CFAP54: variants seen among roughly 807,000 people sequenced by gnomAD.
The protein encoded by CFAP54 is cilia- and flagella-associated protein 54.
In CFAP54, 290 loss-of-function variants were observed where a neutral mutation model predicts 370.4. The ratio of observed to expected loss-of-function variants is 0.78; its 90% confidence interval spans 0.71 to 0.86. CFAP54 has a LOEUF of 0.86. CFAP54 is among the 40% of genes least tolerant of loss of function. CFAP54 has a pLI of 0.00. For synonymous variants in CFAP54, 1,206 were observed against 1,236.5 expected (o/e 0.98, Z 0.52); for missense variants, 3,399 against 3,528.7 (o/e 0.96, Z 0.93).
chr12:96,623,919 A>G, intron 28 of CFAP54, 38 bp downstream of exon 28: 1 of 1,308,298 alleles, frequency 7.6e-7, no homozygotes, highest in Non-Finnish European at 1.1e-6. Flanking sequence ...ATTTAGCATT[A>G]AGTTTTTTAA....
intron 64 of CFAP54, among the ~76,000 whole-genome samples, chr12:96,812,295 C>A (rs2136727979): frequency 6.6e-6 from 1 of 152,240 alleles, no homozygotes; most frequent in South Asian, 2.1e-4. Flanking sequence ...GCCCAAACTC[C>A]ACTACCTCCC....
chr12:96,638,260 T>C (rs890096544), intron 32 of CFAP54, among the ~76,000 whole-genome samples: 2 of 148,514 alleles, frequency 1.3e-5, no homozygotes, highest in African/African-American at 4.9e-5. Context: ...TATATATTTA[T>C]TTTTTTTTGG....
chr12:96,692,694 A>G (rs918889113), intron 44 of CFAP54, among the ~76,000 whole-genome samples: 1 of 152,202 alleles, frequency 6.6e-6, no homozygotes, highest in African/African-American at 2.4e-5. Flanking sequence ...TTGACTGACA[A>G]TTAGAGGTTC....
intron 26 of CFAP54, among the ~76,000 whole-genome samples, chr12:96,601,173 T>C (rs574881435): frequency 1.3e-5 from 2 of 152,230 alleles, no homozygotes; most frequent in African/African-American, 2.4e-5. Context: ...TGAAGGGCTG[T>C]TGAATTTTGT....
At chr12:96,671,027 T>C (rs1465024490) in intron 39 of CFAP54, among the ~76,000 whole-genome samples, 1 of 152,184 alleles carries the variant, frequency 6.6e-6, no homozygotes, top group African/African-American at 2.4e-5. Context: ...GGCTGGAGTG[T>C]AGTAGTGCTA....
intron 47 of CFAP54, among the ~76,000 whole-genome samples, chr12:96,705,224 G>A (rs1957535303): frequency 6.6e-6 from 1 of 152,018 alleles, no homozygotes; most frequent in African/African-American, 2.4e-5. Context: ...TAAGTGCTAG[G>A]AAACAGCATT....
intron 22 of CFAP54, among the ~76,000 whole-genome samples, chr12:96,583,077 T>C (rs1432131802): frequency 6.6e-6 from 1 of 152,158 alleles, no homozygotes; most frequent in East Asian, 1.9e-4. Flanking sequence ...GTGATTAACT[T>C]GGCTTTTGGG....
chr12:96,584,660 A>G (rs1956059521), intron 22 of CFAP54, among the ~76,000 whole-genome samples: 2 of 150,454 alleles, frequency 1.3e-5, no homozygotes, highest in South Asian at 4.2e-4. Flanking sequence ...TATCAATCTC[A>G]TTACAATGAC....
Position 96,629,457 on chromosome 12 carries a change from C to T in CFAP54, c.4104-636C>T, listed in dbSNP as rs1456496918. ...TAGCTGGACTACAGTAGGCGCCTGCCACCACGCCCAACTAATTTTTTTTTT... is the reference window on the plus strand; with the variant it reads ...TAGCTGGACTACAGTAGGCGCCTGCTACCACGCCCAACTAATTTTTTTTTT... On this transcript the variant is annotated intron_variant, in intron 30 of 67. Transcript: ENST00000524981. 2.0e-5 allele frequency among the ~76,000 whole-genome samples: 3 copies of T among 148,848 alleles called. No homozygotes were observed. The Admixed American group carries it at 2.0e-4, about 10-fold the overall frequency.
chr12:96,547,592 A>G (rs562629463), intron 14 of CFAP54, among the ~76,000 whole-genome samples: 1 of 152,360 alleles, frequency 6.6e-6, no homozygotes, highest in African/African-American at 2.4e-5. Context: ...ATTACCTTAC[A>G]GAAGAAAATA....
rs746191854 is a variant in CFAP54 at position 96,540,911 on chromosome 12, G to A, written c.2001G>A (p.Val667=). Residue 667 remains valine, a synonymous_variant, in exon 14 of 68, where the codon GTG becomes GTA. Coordinates refer to ENST00000524981, the MANE Select transcript of CFAP54 (RefSeq NM_001306084.2). ...YKMEDIDIVV[V]AEVTLRLSEI... is the part of the protein sequence containing the mutation. ...TGGAAGACATTGACATTGTGGTAGT[G>A]GCAGAAGTCACATTACGGTTAAGTG... 69 of 1,519,972 alleles carry A rather than the reference G, an allele frequency of 4.5e-5. No homozygotes were observed. Among genetic ancestry groups the A allele is most frequent in the Non-Finnish European group, 5.6e-5 (64 of 1,139,892 alleles). The allele number at this position is 1,519,972 out of a possible 1,614,324, so 94.2% of individuals were successfully genotyped here. A position where few individuals can be genotyped will look rare whatever the true frequency, so the allele number is the denominator to read the frequency against.
chr12:96,718,124 C>T (rs191604201), intron 48 of CFAP54, among the ~76,000 whole-genome samples: 56 of 152,124 alleles, frequency 3.7e-4, no homozygotes, highest in African/African-American at 1.2e-3. Context: ...TTTGGGAGGC[C>T]GAGGTGGGCA....
chr12:96,615,191 C>T (rs1309404693), intron 26 of CFAP54, among the ~76,000 whole-genome samples: 1 of 151,290 alleles, frequency 6.6e-6, no homozygotes, highest in Non-Finnish European at 1.5e-5. Context: ...AGAACAGAGC[C>T]CTCAGAAATA....
intron 26 of CFAP54, among the ~76,000 whole-genome samples, chr12:96,612,052 G>A (rs1470777891): frequency 6.6e-6 from 1 of 152,120 alleles, no homozygotes; most frequent in Admixed American, 6.5e-5. Context: ...ACGCCACAAA[G>A]ATACTCCTCA....
intron 50 of CFAP54, 67 bp downstream of exon 50, chr12:96,720,632 T>C (rs1957740106): frequency 3.3e-6 from 4 of 1,194,434 alleles, no homozygotes; most frequent in Admixed American, 4.0e-5. Flanking sequence ...GTTTATTAAA[T>C]AGACTTAAAT....
In CFAP54 at chr12:96,560,555, A is replaced by T. The variant is rs569470455; in HGVS notation, c.2411-3913A>T. ...CTTCTTTTTTTCTTTCATAACATTG[A>T]TATTTTTGAAGACATGTTCCACAAT... On this transcript the variant is annotated intron_variant, in intron 17 of 67. Coordinates refer to ENST00000524981, the MANE Select transcript of CFAP54 (RefSeq NM_001306084.2). Among the ~76,000 whole-genome samples, 8 of 152,274 alleles carry T rather than the reference A, an allele frequency of 5.3e-5. No individual in the cohort carries two copies. In the South Asian group the frequency reaches 1.7e-3, roughly 32 times the overall value.
intron 43 of CFAP54, among the ~76,000 whole-genome samples, chr12:96,689,660 A>G (rs1226832680): frequency 2.0e-5 from 3 of 152,170 alleles, no homozygotes; most frequent in Non-Finnish European, 4.4e-5. Context: ...TATAAAATCT[A>G]TCTTATGATA....
chr12:96,604,861 G>A (rs962464382), intron 26 of CFAP54, among the ~76,000 whole-genome samples: 1 of 152,214 alleles, frequency 6.6e-6, no homozygotes, highest in South Asian at 2.1e-4. Flanking sequence ...GAAGTGTACC[G>A]TTCCTCCAGG....
In CFAP54 at chr12:96,659,306, G is replaced by A. The variant is rs530396910; in HGVS notation, c.5460+960G>A. Among the ~76,000 whole-genome samples the A allele has an allele frequency of 1.8e-4, 27 of 152,158 alleles. No individual in the cohort carries two copies. In the South Asian group the frequency reaches 5.2e-3, roughly 29 times the overall value. On this transcript the variant is annotated intron_variant, in intron 38 of 67. Transcript: ENST00000524981. ...CTGCCAACACGCCCGGCTAATTTTT[G>A]TATTTTTAGTAGAGACAGGGTTTCA...
Sources: gnomAD v4.1 joint callset for allele counts (sites outside exome capture counted in the v4.1 genomes callset) on GRCh38, gnomAD v4.1.1 for gene constraint, MANE v1.5 for transcripts, NCBI Gene and HGNC (gene_info 2026-07-23, HGNC 2026-07-21) for gene names.